The following HS6ST2 variants were observed in gnomAD, a reference collection of about 807,000 sequenced individuals.
HS6ST2 encodes heparan sulfate 6-O-sulfotransferase 2.
In HS6ST2, 17 loss-of-function variants were observed where a neutral mutation model predicts 33.0. The ratio of observed to expected loss-of-function variants is 0.52; its 90% CI spans 0.35 to 0.77. The LOEUF (loss-of-function observed/expected upper bound fraction) is 0.77, where lower values mean the gene tolerates loss of function less well. Among genes scored for constraint, HS6ST2 ranks in the 30% least tolerant of loss-of-function variants. The probability of loss-of-function intolerance (pLI) is 0.01; values close to 1 mark genes in which losing one functional copy is unlikely to be tolerated. For synonymous variants in HS6ST2, 248 were observed against 237.1 expected (o/e 1.05, Z -0.42); for missense variants, 519 against 551.7 (o/e 0.94, Z 0.59).
At chrX:132,754,691 C>T (rs752339225) in intron 2 of HS6ST2, among the ~76,000 whole-genome samples, 4 of 109,541 alleles carry the variant, frequency 3.7e-5, no homozygotes, top group Admixed American at 9.8e-5. Flanking sequence ...GCTGGGATTA[C>T]AGATGTGAGC....
chrX:132,781,186 A>G (rs2065014073), intron 2 of HS6ST2, among the ~76,000 whole-genome samples: 1 of 112,594 alleles, frequency 8.9e-6, no homozygotes, highest in Non-Finnish European at 1.9e-5. Flanking sequence ...AAAGGTAGTC[A>G]TAACATGAAA....
chrX:132,864,028 C>T (rs911972374), intron 2 of HS6ST2, among the ~76,000 whole-genome samples: 8 of 111,106 alleles, frequency 7.2e-5, no homozygotes, highest in Non-Finnish European at 1.3e-4. Flanking sequence ...AGAAGGAAAA[C>T]TAACAAACAG....
At chrX:132,917,392 A>G (rs1188371303) in intron 2 of HS6ST2, among the ~76,000 whole-genome samples, 1 of 111,149 alleles carries the variant, frequency 9.0e-6, no homozygotes, top group African/African-American at 3.3e-5. Flanking sequence ...TGAGGCCAGG[A>G]GTTTGAGACC....
At position 132,794,571 on chromosome X, in the gene HS6ST2, G is replaced by GATT. The variant is rs780917977; in HGVS notation, c.948-86078_948-86077insAAT. Among the ~76,000 whole-genome samples, 592 of 98,853 alleles carry GATT rather than the reference G, an allele frequency of 6.0e-3. 2 individuals carry two copies. Among genetic ancestry groups the GATT allele is most frequent in the African/African-American group, 0.016 (407 of 25,024 alleles). The allele number at this position is 98,853 out of a possible 115,157, so 85.8% of individuals were successfully genotyped here. On this transcript the variant is annotated intron_variant, in intron 2 of 4. Transcript: ENST00000370833. ...ACCACTCCTGGATGATGATGATGAT[G>GATT]ATGATTATTATTATTATTATTATTA...
intron 2 of HS6ST2, among the ~76,000 whole-genome samples, chrX:132,719,074 G>T (rs1346810235): frequency 8.9e-6 from 1 of 112,192 alleles, no homozygotes; most frequent in East Asian, 2.8e-4. Flanking sequence ...AACTACAATG[G>T]TAAGAAGGGC....
Position 132,956,987 on chromosome X carries a change from G to A in HS6ST2, c.768C>T (p.Cys256=). ...LVRNIQLEQP[C]ECRVGQKKCT... ...ATTTCTTCTGACCCACGCGGCACTCGCACGGCTGCTCCAGCTGGATGTTAC... is the reference window on the plus strand; with the variant it reads ...ATTTCTTCTGACCCACGCGGCACTCACACGGCTGCTCCAGCTGGATGTTAC... Residue 256 remains cysteine (C), a synonymous_variant, in exon 2 of 5, where the codon TGC becomes TGT. Coordinates refer to ENST00000370833, the MANE Select transcript of HS6ST2 (RefSeq NM_001394073.1). The A allele has an allele frequency of 8.3e-7, 1 of 1,211,236 alleles. No individual in the cohort carries two copies. Among genetic ancestry groups the A allele is most frequent in the Non-Finnish European group, 1.1e-6 (1 of 895,095 alleles).
chrX:132,849,469 A>G (rs1210057028), intron 2 of HS6ST2, among the ~76,000 whole-genome samples: 1 of 112,015 alleles, frequency 8.9e-6, no homozygotes, highest in African/African-American at 3.2e-5. Context: ...ACAATATCAG[A>G]CAATCATTCT....
intron 2 of HS6ST2, among the ~76,000 whole-genome samples, chrX:132,778,845 A>C (rs2064991588): frequency 8.9e-6 from 1 of 112,059 alleles, no homozygotes; most frequent in African/African-American, 3.2e-5. Flanking sequence ...GCTGCCAGCT[A>C]TCAGAACATT....
intron 4 of HS6ST2, among the ~76,000 whole-genome samples, chrX:132,651,793 C>A (rs1382720413): frequency 1.8e-5 from 2 of 111,387 alleles, no homozygotes; most frequent in Admixed American, 1.9e-4. Flanking sequence ...TGATACCACC[C>A]AAAAAATTGA....
chrX:132,861,415 T>A (rs1481546093), intron 2 of HS6ST2, among the ~76,000 whole-genome samples: 1 of 111,953 alleles, frequency 8.9e-6, no homozygotes, highest in African/African-American at 3.2e-5. Context: ...TTCCTTAGGA[T>A]TTTTTTCTCA....
At chrX:132,811,017 T>C (rs769784147) in intron 2 of HS6ST2, among the ~76,000 whole-genome samples, 2 of 112,004 alleles carry the variant, frequency 1.8e-5, no homozygotes, top group Admixed American at 1.9e-4. Context: ...CTAGCTGATA[T>C]ACCTACTACA....
At chrX:132,736,497 AG>A (rs757024967) in intron 2 of HS6ST2, among the ~76,000 whole-genome samples, 2 of 111,834 alleles carry the variant, frequency 1.8e-5, no homozygotes, top group African/African-American at 6.5e-5. Context: ...TCTTAAACAC[AG>A]GTAGCTTGTC....
chrX:132,880,518 CTG>C, intron 2 of HS6ST2, among the ~76,000 whole-genome samples: 1 of 24,740 alleles, frequency 4.0e-5, no homozygotes, highest in African/African-American at 1.6e-4. Flanking sequence ...GAGTGAGACT[CTG>C]TGTAAAAAAA....
intron 2 of HS6ST2, among the ~76,000 whole-genome samples, chrX:132,885,692 C>T (rs1044909130): frequency 9.0e-6 from 1 of 110,708 alleles, no homozygotes; most frequent in East Asian, 2.8e-4. Flanking sequence ...CTCTACCAAA[C>T]ACAGACCCAC....
At chrX:132,745,211 G>C (rs1223456021) in intron 2 of HS6ST2, among the ~76,000 whole-genome samples, 3 of 111,253 alleles carry the variant, frequency 2.7e-5, no homozygotes, top group Non-Finnish European at 5.7e-5. Context: ...TCAGCCTCCT[G>C]AATAGCTGGG....
At chrX:132,787,167 G>GTGTATATATATATA (rs1405731624) in intron 2 of HS6ST2, among the ~76,000 whole-genome samples, 25 of 51,349 alleles carry the variant, frequency 4.9e-4, no homozygotes, top group Non-Finnish European at 5.9e-4. Flanking sequence ...ATATATATAT[G>GTGTATATATATATA]TATATATATA....
intron 2 of HS6ST2, among the ~76,000 whole-genome samples, chrX:132,723,394 G>A (rs1434821231): frequency 9.0e-6 from 1 of 111,080 alleles, no homozygotes; most frequent in Non-Finnish European, 1.9e-5. Flanking sequence ...GGCCAATATC[G>A]CTAATGAATA....
intron 2 of HS6ST2, among the ~76,000 whole-genome samples, chrX:132,780,053 G>A (rs1168938931): frequency 4.5e-5 from 5 of 110,856 alleles, no homozygotes; most frequent in Non-Finnish European, 7.5e-5. Flanking sequence ...CCCTTACGGG[G>A]GAGGCATCAG....
intron 2 of HS6ST2, among the ~76,000 whole-genome samples, chrX:132,724,820 C>T (rs2064376918): frequency 9.0e-6 from 1 of 111,616 alleles, no homozygotes; most frequent in African/African-American, 3.3e-5. Flanking sequence ...GTCAATGGAA[C>T]AGAATAGAGG....
Sources: gnomAD v4.1 joint callset for allele counts (sites outside exome capture counted in the v4.1 genomes callset) on GRCh38, gnomAD v4.1.1 for gene constraint, MANE v1.5 for transcripts, NCBI Gene and HGNC (gene_info 2026-07-23, HGNC 2026-07-21) for gene names.